ZFC3H1: variants seen among roughly 807,000 people sequenced by gnomAD.
ZFC3H1 encodes zinc finger C3H1-type containing, also known as zinc finger C3H1 domain-containing protein.
In ZFC3H1, 71 loss-of-function variants were observed where a neutral mutation model predicts 243.7. That is an observed-to-expected ratio of 0.29 (90% confidence interval 0.24 to 0.36). The LOEUF is 0.36. ZFC3H1 is among the 10% of genes least tolerant of loss of function. The pLI, the probability that ZFC3H1 is intolerant of heterozygous loss-of-function variation, is 1.00. For missense variants in ZFC3H1, 1,966 were observed against 2,317.1 expected, an observed-to-expected ratio of 0.85 and a Z score of 3.11; for synonymous variants, 838 against 813.0, an observed-to-expected ratio of 1.03 and a Z score of -0.52.
In ZFC3H1 at chr12:71,613,445, T is replaced by G. The variant is rs932022316; in HGVS notation, c.5527-10A>C. On this transcript the variant is annotated splice_polypyrimidine_tract_variant and intron_variant, in intron 30 of 34. Coordinates refer to ENST00000378743, the MANE Select transcript of ZFC3H1 (RefSeq NM_144982.5). The stretch of plus-strand genomic sequence containing the variant: ...AATAAAAGAAAATAACCTGTAAAGG[T>G]TGAGGGGGGCGAAAAATGAATGCAA... 78 of 1,573,784 alleles carry G rather than the reference T, an allele frequency of 5.0e-5. No homozygotes were observed. Among genetic ancestry groups the G allele is most frequent in the Non-Finnish European group, 6.0e-5 (70 of 1,157,956 alleles).
chr12:71,650,430 CAA>C (rs1880854879), intron 2 of ZFC3H1, among the ~76,000 whole-genome samples: 2 of 151,686 alleles, frequency 1.3e-5, no homozygotes, highest in Non-Finnish European at 2.9e-5. Context: ...AAAATTATCT[CAA>C]GTTTTACTCA....
At chr12:71,621,654 T>C (rs1306292460) in intron 24 of ZFC3H1, among the ~76,000 whole-genome samples, 1 of 152,062 alleles carries the variant, frequency 6.6e-6, no homozygotes, top group African/African-American at 2.4e-5. Flanking sequence ...TCCACTTGAA[T>C]GACCAATTAC....
Position 71,644,243 on chromosome 12 carries a change from TTCTG to T in ZFC3H1, c.1351_1354del (p.Gln451LysfsTer38), listed in dbSNP as rs1880670554. 2 of 1,612,992 alleles carry T rather than the reference TTCTG, an allele frequency of 1.2e-6. No individual in the cohort carries two copies. The highest frequency in any genetic ancestry group is 8.5e-7 in the Non-Finnish European group (1 of 1,179,372). On this transcript the variant is annotated frameshift_variant, in exon 5 of 35. Transcript: ENST00000378743. LOFTEE classifies it high-confidence loss of function. ...AGCTTGTTTCCGCTGATCCTCTTCT[TTCTG>T]TCTTTCCTGCTCTTTTTGTTGTTGT... is the stretch of plus-strand genomic sequence containing the variant.
chr12:71,611,159 G>T lies in ZFC3H1; in HGVS notation c.5730-62C>A. On this transcript the variant is annotated intron_variant, in intron 32 of 34. Coordinates refer to ENST00000378743, the MANE Select transcript of ZFC3H1 (RefSeq NM_144982.5). ...GGAAAAGAAAAATTTATATATCTTT[G>T]AACAAAATGAAACACCACCACTGGC... The T allele has an allele frequency of 2.1e-6, 3 of 1,448,198 alleles. No individual in the cohort carries two copies. In the South Asian group the frequency reaches 4.4e-5, roughly 21 times the overall value. The allele number at this position is 1,448,198 out of a possible 1,614,324, so 89.7% of individuals were successfully genotyped here.
rs571718947 is a variant in ZFC3H1 at position 71,610,944 on chromosome 12, T to C, written c.5769+114A>G. 5.3e-6 allele frequency: 8 copies of C among 1,503,352 alleles called. No homozygotes were observed. The East Asian group carries it at 9.1e-5, about 17-fold the overall frequency. The allele number at this position is 1,503,352 out of a possible 1,614,324, so 93.1% of individuals were successfully genotyped here. ...TACTTTTGTTTCCCCACTTGGTTCTTAGTGTGCATGAAATGTTAACTTCTG... is the reference window on the plus strand; with the variant it reads ...TACTTTTGTTTCCCCACTTGGTTCTCAGTGTGCATGAAATGTTAACTTCTG... On this transcript the variant is annotated intron_variant, in intron 33 of 34. Transcript: ENST00000378743.
At chr12:71,641,630 G>A (rs1322190365) in intron 6 of ZFC3H1, among the ~76,000 whole-genome samples, 5 of 152,286 alleles carry the variant, frequency 3.3e-5, no homozygotes, top group African/African-American at 7.2e-5. Flanking sequence ...GCAACCTAAA[G>A]GAGAGTTACA....
rs777638517 is a variant in ZFC3H1, at chr12:71,663,302, G to A, written c.309C>T (p.Ser103=). 8 of 1,613,460 alleles carry A rather than the reference G, an allele frequency of 5.0e-6. No individual in the cohort carries two copies. In the South Asian group the frequency reaches 7.7e-5, roughly 15 times the overall value. ...ACCGGAACGGTTCTTTGGGTCGGTA[G>A]CTGCTGGGTCCCCTGAGGTGGCCCC... The part of the protein sequence containing the change: ...SERGHLRGPS[S]YRPKEPFRSH... The change falls in exon 1 of 35, where the codon AGC becomes AGT. Residue 103 remains serine (S), a synonymous_variant. Transcript: ENST00000378743.
At chr12:71,636,469 G>A (rs1288236732) in intron 9 of ZFC3H1, 21 bp downstream of exon 9, 7 of 1,590,204 alleles carry the variant, frequency 4.4e-6, no homozygotes, top group Non-Finnish European at 6.0e-6. Context: ...AATAAAAGTA[G>A]CATTAAATTT....
rs1879909974 is a variant in ZFC3H1 at position 71,617,081 on chromosome 12, A to ATTCAAT, written c.5145-1766_5145-1765insATTGAA. On this transcript the variant is annotated intron_variant, in intron 27 of 34. Coordinates refer to ENST00000378743, the MANE Select transcript of ZFC3H1 (RefSeq NM_144982.5). The stretch of plus-strand genomic sequence containing the variant: ...AAATGTCACATAGAGAGTTGACAGA[A>ATTCAAT]TTCAACTCCAGGTAAAAATTATAGT... 2.0e-5 allele frequency among the ~76,000 whole-genome samples: 3 copies of ATTCAAT among 152,332 alleles called. No homozygotes were observed. The South Asian group carries it at 6.2e-4, about 32-fold the overall frequency.
At chr12:71,662,977 T>C (rs758862286) in intron 1 of ZFC3H1, 36 bp downstream of exon 1, 2 of 1,538,486 alleles carry the variant, frequency 1.3e-6, no homozygotes, top group African/African-American at 2.8e-5. Flanking sequence ...GGAACTTTAG[T>C]GACACACCCA....
At position 71,613,389 on chromosome 12, in the gene ZFC3H1, T is replaced by C. The variant is rs754198431; in HGVS notation, c.5573A>G (p.Lys1858Arg). ...LSCVPKTQHSKTLERFCSVMP... is the reference protein window; with the variant it reads ...LSCVPKTQHSRTLERFCSVMP... ...AACTGAACAAAACCGTTCCAAGGTT[T>C]TGGAATGCTGGGTCTTTGGAACACA... The change falls in exon 31 of 35, where the codon AAA becomes AGA. Residue 1858 changes from lysine to arginine, a missense_variant. Lys to Arg is a conservative substitution (Grantham distance 26, BLOSUM62 2). Coordinates refer to ENST00000378743, the MANE Select transcript of ZFC3H1 (RefSeq NM_144982.5). 4 of 1,610,298 alleles carry C rather than the reference T, an allele frequency of 2.5e-6. No homozygotes were observed. The East Asian group carries it at 6.7e-5, about 27-fold the overall frequency.
At position 71,657,091 on chromosome 12, in the gene ZFC3H1, G is replaced by A. The variant is rs776902700; in HGVS notation, c.809C>T (p.Thr270Ile). Residue 270 changes from threonine (T) to isoleucine (I), a missense_variant, in exon 2 of 35, where the codon ACT becomes ATT. Physicochemically the swap from Thr to Ile is moderately conservative, Grantham distance 89. This residue lies in a region of ZFC3H1 where 484 missense variants were observed against 449.7 expected (regional missense o/e 1.08). Coordinates refer to ENST00000378743, the MANE Select transcript of ZFC3H1 (RefSeq NM_144982.5). ...DPKTLNFEDQTSTDNVSITKD... is the reference protein window; with the variant it reads ...DPKTLNFEDQISTDNVSITKD... ...TGTAATACTGACATTATCAGTGCTA[G>A]TTTGGTCCTCGAAGTTCAATGTTTT... 3 of 1,613,832 alleles carry A rather than the reference G, an allele frequency of 1.9e-6. No homozygotes were observed. The highest frequency in any genetic ancestry group is 2.7e-5 in the African/African-American group (2 of 74,920).
At chr12:71,632,800 G>C in intron 14 of ZFC3H1, 86 bp downstream of exon 14, 1 of 1,525,450 alleles carries the variant, frequency 6.6e-7, no homozygotes, top group Non-Finnish European at 8.8e-7. Flanking sequence ...ACAGCAAAGA[G>C]TTACTTTATA....
intron 9 of ZFC3H1, among the ~76,000 whole-genome samples, chr12:71,636,266 AC>A (rs1880456982): frequency 6.6e-6 from 1 of 152,196 alleles, no homozygotes; most frequent in Admixed American, 6.5e-5. Flanking sequence ...TGAAAACAAT[AC>A]CTCCCCCAAC....
At chr12:71,634,360 T>TTC in intron 11 of ZFC3H1, 56 bp from the exon 12 acceptor site, 1 of 1,548,294 alleles carries the variant, frequency 6.5e-7, no homozygotes, top group Non-Finnish European at 8.8e-7. Flanking sequence ...TTAAACTATT[T>TTC]TTAAAATGTA....
chr12:71,663,289 C>G lies in ZFC3H1; in HGVS notation c.322G>C (p.Glu108Gln), dbSNP rs200491801. 73 of 1,613,514 alleles carry G rather than the reference C, an allele frequency of 4.5e-5. No individual in the cohort carries two copies. The highest frequency in any genetic ancestry group is 1.2e-5 in the Non-Finnish European group (14 of 1,180,038). Residue 108 changes from glutamate (E) to glutamine (Q), a missense_variant, in exon 1 of 35, where the codon GAA (glutamate) becomes CAA (glutamine). Transcript: ENST00000378743. ...GAAGGCGGATGAGACCGGAACGGTTCTTTGGGTCGGTAGCTGCTGGGTCCC... is the reference window on the plus strand; with the variant it reads ...GAAGGCGGATGAGACCGGAACGGTTGTTTGGGTCGGTAGCTGCTGGGTCCC... ...LRGPSSYRPKEPFRSHPPSVR... is the reference protein window; with the variant it reads ...LRGPSSYRPKQPFRSHPPSVR...
At chr12:71,647,099 C>A (rs539256727) in intron 3 of ZFC3H1, among the ~76,000 whole-genome samples, 2 of 152,138 alleles carry the variant, frequency 1.3e-5, no homozygotes, top group East Asian at 1.9e-4. Flanking sequence ...CCTAAAGCTC[C>A]TAGACTATTT....
At position 71,614,005 on chromosome 12, in the gene ZFC3H1, A is replaced by C. The variant is rs185932070; in HGVS notation, c.5526+530T>G. Among the ~76,000 whole-genome samples, 18 of 152,320 alleles carry C rather than the reference A, an allele frequency of 1.2e-4. No homozygotes were observed. In the East Asian group the frequency reaches 3.5e-3, roughly 29 times the overall value. On this transcript the variant is annotated intron_variant, in intron 30 of 34. Coordinates refer to ENST00000378743, the MANE Select transcript of ZFC3H1 (RefSeq NM_144982.5). Reference sequence around the variant, plus strand: ...CTGAAAAAAAATTTTTTTAAAAGATAATCACAAAACTATATCATTAATTAG... The same window carrying C: ...CTGAAAAAAAATTTTTTTAAAAGATCATCACAAAACTATATCATTAATTAG...
chr12:71,652,031 G>A (rs1229870961), intron 2 of ZFC3H1, among the ~76,000 whole-genome samples: 2 of 152,166 alleles, frequency 1.3e-5, no homozygotes, highest in Non-Finnish European at 2.9e-5. Context: ...TAAGAAGCAA[G>A]CTTGTATACG....
Sources: allele counts gnomAD v4.1 joint callset (sites outside exome capture counted in the v4.1 genomes callset), GRCh38; gene constraint gnomAD v4.1.1; regional missense constraint gnomAD v4.1.1; transcripts MANE v1.5; gene names NCBI Gene and HGNC (gene_info 2026-07-23, HGNC 2026-07-21).